Variants in EXD2 observed in about 807,000 individuals in gnomAD.
EXD2 encodes exonuclease 3'-5' domain-containing protein 2.
Under a neutral mutation model 62.5 loss-of-function variants are expected in EXD2, and 40 were observed. That is an observed-to-expected ratio of 0.64 (90% CI 0.50 to 0.83). The LOEUF (loss-of-function observed/expected upper bound fraction) is 0.83. Ranked by LOEUF, EXD2 falls within the 40% of genes least tolerant of loss-of-function variation. EXD2 has a pLI of 0.00. For missense variants in EXD2, 671 were observed against 761.8 expected, an observed-to-expected ratio of 0.88 and a Z score of 1.40; for synonymous variants, 239 against 291.9, an observed-to-expected ratio of 0.82 and a Z score of 1.85.
chr14:69,207,508 TAA>T (rs374167969), intron 2 of EXD2, among the ~76,000 whole-genome samples: 10 of 152,204 alleles, frequency 6.6e-5, no homozygotes, highest in Non-Finnish European at 1.3e-4. Context: ...AAAAAAAATT[TAA>T]AGTTATTGAT....
At chr14:69,229,479 C>T (rs1285556020) in intron 4 of EXD2, among the ~76,000 whole-genome samples, 1 of 152,124 alleles carries the variant, frequency 6.6e-6, no homozygotes, top group Admixed American at 6.5e-5. Context: ...GTCTACAGTT[C>T]TAGATGGCAG....
rs2042402768 is a variant in EXD2 at position 69,201,672 on chromosome 14, G to GTTTTTTGTTTTTTTTTTTTTTTT, written c.-131-2239_-131-2238insGTTTTTTTTTTTTTTTTTTTTTT. 1.4e-4 allele frequency among the ~76,000 whole-genome samples: 8 copies of GTTTTTTGTTTTTTTTTTTTTTTT among 58,994 alleles called. 1 individual carries two copies. Among genetic ancestry groups the GTTTTTTGTTTTTTTTTTTTTTTT allele is most frequent in the African/African-American group, 4.8e-4 (7 of 14,692 alleles). 38.7% of individuals were successfully genotyped at this position (58,994 alleles called of 152,430 possible). On this transcript the variant is annotated intron_variant, in intron 1 of 9. Transcript: ENST00000685843. ...GTCTCTCTCAGCAAGTGTTTTCTCTGTTTTTTTTTTTTTTTTTTTTTTTTT... is the reference window on the plus strand; with the variant it reads ...GTCTCTCTCAGCAAGTGTTTTCTCTGTTTTTTGTTTTTTTTTTTTTTTTTTTTTTTTTTTTTTTTTTTTTTTTT...
chr14:69,209,223 G>A (rs1001325717), intron 2 of EXD2: 2 of 307,326 alleles, frequency 6.5e-6, no homozygotes, highest in African/African-American at 4.3e-5. Flanking sequence ...TTCCTGGGGT[G>A]AGGATGGAGA....
chr14:69,231,763 G>A (rs989119912), intron 5 of EXD2, among the ~76,000 whole-genome samples: 1 of 151,972 alleles, frequency 6.6e-6, no homozygotes, highest in African/African-American at 2.4e-5. Flanking sequence ...TCTCATCCTG[G>A]AATTTGCATT....
chr14:69,218,104 C>T (rs1269216416), intron 3 of EXD2, among the ~76,000 whole-genome samples: 6 of 152,170 alleles, frequency 3.9e-5, no homozygotes, highest in African/African-American at 9.7e-5. Context: ...CTTGAGGAAT[C>T]GCCACACTGT....
chr14:69,209,789 A>G lies in EXD2; in HGVS notation c.319A>G (p.Ile107Val). Reference protein sequence around the residue: ...SELEDFPVLGIDCEWVNLEGK... With the variant: ...SELEDFPVLGVDCEWVNLEGK... ...ATTAGAAGATTTTCCAGTACTTGGA[A>G]TTGACTGTGAGTGGGTAAGTTAAAA... The change falls in exon 3 of 10, where the codon ATT becomes GTT. Residue 107 changes from isoleucine (I) to valine (V), a missense_variant. Ile to Val is a conservative substitution (Grantham distance 29). Coordinates refer to ENST00000685843, the MANE Select transcript of EXD2 (RefSeq NM_001193360.2). 1 of 1,463,110 alleles carries G rather than the reference A, an allele frequency of 6.8e-7. No individual in the cohort carries two copies. The highest frequency in any genetic ancestry group is 9.1e-7 in the Non-Finnish European group (1 of 1,099,106). The allele number at this position is 1,463,110 out of a possible 1,614,324, so 90.6% of individuals were successfully genotyped here. A position where few individuals can be genotyped will look rare whatever the true frequency, so the allele number is the denominator to read the frequency against.
intron 3 of EXD2, among the ~76,000 whole-genome samples, chr14:69,210,947 C>A (rs1266185226): frequency 2.6e-5 from 4 of 152,164 alleles, no homozygotes; most frequent in African/African-American, 9.7e-5. Context: ...AAGTTGTAAT[C>A]TTTTTGCTGG....
At chr14:69,211,378 C>T (rs930790485) in intron 3 of EXD2, among the ~76,000 whole-genome samples, 2 of 150,990 alleles carry the variant, frequency 1.3e-5, no homozygotes, top group Non-Finnish European at 2.9e-5. Flanking sequence ...CTTCAGGTTC[C>T]ACCCCTAATG....
At chr14:69,227,325 C>G (rs1329753019) in intron 3 of EXD2, among the ~76,000 whole-genome samples, 1 of 152,148 alleles carries the variant, frequency 6.6e-6, no homozygotes, top group Non-Finnish European at 1.5e-5. Flanking sequence ...AGTGTGATAG[C>G]CCTAGCTTTG....
chr14:69,210,934 A>G (rs1341387906), intron 3 of EXD2, among the ~76,000 whole-genome samples: 1 of 152,250 alleles, frequency 6.6e-6, no homozygotes, highest in African/African-American at 2.4e-5. Flanking sequence ...CTAAGCCTTC[A>G]GCAAGTTGTA....
rs747438242 is a variant in EXD2, at chr14:69,231,909, TAAAA to T, written c.717+1335_717+1338del. 4.3e-4 allele frequency among the ~76,000 whole-genome samples: 26 copies of T among 60,632 alleles called. No homozygotes were observed. The East Asian group carries it at 7.6e-3, about 18-fold the overall frequency. The allele number at this position is 60,632 out of a possible 152,430, so 39.8% of individuals were successfully genotyped here. A position where few individuals can be genotyped will look rare whatever the true frequency, so the allele number is the denominator to read the frequency against. ...TTCTTGAGAAAGGGAGCATGAGCAG[TAAAA>T]AAAAAAAAAAAAAAAAAAAAAAAGT... On this transcript the variant is annotated intron_variant, in intron 5 of 9. Coordinates refer to ENST00000685843, the MANE Select transcript of EXD2 (RefSeq NM_001193360.2).
rs1381853489 is a variant in EXD2, at chr14:69,236,554, A to G, written c.1292+12A>G. ...GACTCCTACATTCGGTGAGTGCAGC[A>G]TTGGGCCACCCTGGTTGTCTGTGGC... is the stretch of plus-strand genomic sequence containing the variant. On this transcript the variant is annotated intron_variant, in intron 8 of 9. Coordinates refer to ENST00000685843, the MANE Select transcript of EXD2 (RefSeq NM_001193360.2). 9 of 1,614,076 alleles carry G rather than the reference A, an allele frequency of 5.6e-6. No individual in the cohort carries two copies. The highest frequency in any genetic ancestry group is 1.7e-5 in the Admixed American group (1 of 60,020).
At position 69,209,483 on chromosome 14, in the gene EXD2, A is replaced by G. The variant is rs1250964378; in HGVS notation, c.13A>G (p.Asn5Asp). The part of the protein sequence containing the change: MSRQ[N>D]LVALTVTTLL... ...AGAAAAGTCGAAGATGTCTAGACAG[A>G]ACTTAGTGGCTTTGACAGTGACTAC... The change falls in exon 3 of 10, where the codon AAC (asparagine) becomes GAC (aspartate). Residue 5 changes from asparagine to aspartate, a missense_variant. Transcript: ENST00000685843. The G allele has an allele frequency of 3.3e-6, 5 of 1,537,404 alleles. 1 individual carries two copies. In the South Asian group the frequency reaches 6.1e-5, roughly 19 times the overall value.
At chr14:69,237,339 C>A (rs1197155968) in intron 8 of EXD2, among the ~76,000 whole-genome samples, 2 of 152,204 alleles carry the variant, frequency 1.3e-5, no homozygotes, top group African/African-American at 4.8e-5. Flanking sequence ...TGGCCCACCA[C>A]TGAAGCCCAC....
At chr14:69,232,187 T>C (rs2043608535) in intron 5 of EXD2, among the ~76,000 whole-genome samples, 1 of 152,184 alleles carries the variant, frequency 6.6e-6, no homozygotes, top group South Asian at 2.1e-4. Flanking sequence ...CATTATATGA[T>C]TTAAACTTTT....
At chr14:69,200,688 G>A (rs373494746) in intron 1 of EXD2, among the ~76,000 whole-genome samples, 5 of 145,132 alleles carry the variant, frequency 3.4e-5, no homozygotes, top group African/African-American at 1.3e-4. Flanking sequence ...CAGCCTTTGC[G>A]ATAGAGCCAG....
chr14:69,237,858 G>A lies in EXD2; in HGVS notation c.1576G>A (p.Ala526Thr). The change falls in exon 9 of 10, where the codon GCA becomes ACA. Residue 526 changes from alanine to threonine, a missense_variant. Transcript: ENST00000685843. ...TCAGCGAAAGGAGGAGCTGCTGCAA[G>A]CACTCAGAGAGTTTTATAACACAGA... ...PTQRKEELLQ[A>T]LREFYNTDVV... 1 of 1,612,054 alleles carries A rather than the reference G, an allele frequency of 6.2e-7. No individual in the cohort carries two copies. The highest frequency in any genetic ancestry group is 8.5e-7 in the Non-Finnish European group (1 of 1,179,366).
chr14:69,197,495 T>A (rs1402623627), intron 1 of EXD2, among the ~76,000 whole-genome samples: 3 of 152,076 alleles, frequency 2.0e-5, no homozygotes, highest in Admixed American at 1.3e-4. Context: ...ATGGGTAACA[T>A]GTTATGCTGG....
chr14:69,206,797 G>T (rs979891544), intron 2 of EXD2, among the ~76,000 whole-genome samples: 1 of 152,228 alleles, frequency 6.6e-6, no homozygotes, highest in Admixed American at 6.5e-5. Flanking sequence ...CCCACTTGGG[G>T]TTTCCTCCTC....
Sources: gnomAD v4.1 joint callset for allele counts (sites outside exome capture counted in the v4.1 genomes callset) on GRCh38, gnomAD v4.1.1 for gene constraint, MANE v1.5 for transcripts, NCBI Gene and HGNC (gene_info 2026-07-23, HGNC 2026-07-21) for gene names.